STRC: variants seen among roughly 807,000 people sequenced by gnomAD.
STRC encodes the protein stereocilin.
Under a neutral mutation model 103.5 loss-of-function variants are expected in STRC, and 43 were observed. The observed-to-expected ratio is 0.42, with a 90% CI of 0.33 to 0.54. The LOEUF (loss-of-function observed/expected upper bound fraction) is 0.54, where lower values mean the gene tolerates loss of function less well. Among genes scored for constraint, STRC ranks in the 20% least tolerant of loss-of-function variants. STRC has a pLI of 0.14. For missense variants in STRC, 499 were observed against 1,088.5 expected, an observed-to-expected ratio of 0.46 and a Z score of 7.62; for synonymous variants, 186 against 442.3, an observed-to-expected ratio of 0.42 and a Z score of 7.27.
Position 43,603,349 on chromosome 15 carries a change from T to C in STRC, c.4438A>G (p.Ile1480Val). Residue 1480 changes from isoleucine (I) to valine (V), a missense_variant, in exon 23 of 29, where the codon ATT (isoleucine) becomes GTT (valine). Physicochemically the swap from Ile to Val is conservative, Grantham distance 29. Coordinates refer to ENST00000450892, the MANE Select transcript of STRC (RefSeq NM_153700.2). ...TFPAAWSATQ[I>V]AEMELSDFED... ...AAGTCTGAGAGCTCCATCTCTGCAA[T>C]CTGGGTTGCAGACCAGGCTGCTGGG... 1 of 1,613,722 alleles carries C rather than the reference T, an allele frequency of 6.2e-7. No individual in the cohort carries two copies. The highest frequency in any genetic ancestry group is 8.5e-7 in the Non-Finnish European group (1 of 1,179,750).
rs760541399 is a variant in STRC at position 43,601,457 on chromosome 15, A to T, written c.4640T>A (p.Ile1547Asn). The change falls in exon 24 of 29, where the codon ATC (isoleucine) becomes AAC (asparagine). Residue 1547 changes from isoleucine to asparagine, a missense_variant. By Grantham distance (149) the Ile-to-Asn change is moderately radical. Transcript: ENST00000450892. ...GCTCAGCACTCCCCAGTCCACTAGG[A>T]TCAGCTCCTGTAGTTCCCGATCTCC... ...GLGDRELQEL[I>N]LVDWGVLSTL... 1.2e-5 allele frequency: 19 copies of T among 1,613,686 alleles called. 1 individual carries two copies. The South Asian group carries it at 2.0e-4, about 17-fold the overall frequency.
chr15:43,605,244 CT>C lies in STRC; in HGVS notation c.3930+19del. On this transcript the variant is annotated intron_variant, in intron 19 of 28. Transcript: ENST00000450892. ...ATTGCCCAGGGCAGCAAATCTGAGT[CT>C]GGTAGGGTGGACTCTTACCAGGTTT... 6.3e-7 allele frequency: 1 copy of C among 1,577,720 alleles called. No homozygotes were observed. Among genetic ancestry groups the C allele is most frequent in the Non-Finnish European group, 8.6e-7 (1 of 1,160,748 alleles).
intron 18 of STRC, among the ~76,000 whole-genome samples, chr15:43,605,701 G>C (rs1053450273): frequency 1.8e-5 from 2 of 114,032 alleles, no homozygotes; most frequent in African/African-American, 7.0e-5. Flanking sequence ...CCATTTTATA[G>C]ATTAAAAAAC....
In STRC at chr15:43,601,382, A is replaced by C; in HGVS notation, c.4701+14T>G. Reference sequence around the variant, plus strand: ...GGGTGTTTGGGAAGCCGTAGGGAGGAGGAAAAGTGTTACCTGAGTGGTGCT... The same window carrying C: ...GGGTGTTTGGGAAGCCGTAGGGAGGCGGAAAAGTGTTACCTGAGTGGTGCT... On this transcript the variant is annotated intron_variant, in intron 24 of 28. Coordinates refer to ENST00000450892, the MANE Select transcript of STRC (RefSeq NM_153700.2). 6.2e-7 allele frequency: 1 copy of C among 1,612,650 alleles called. No individual in the cohort carries two copies. Among genetic ancestry groups the C allele is most frequent in the East Asian group, 2.2e-5 (1 of 44,838 alleles).
rs1260607472 is a variant in STRC at position 43,600,654 on chromosome 15, G to C, written c.4873C>G (p.His1625Asp). ...SQAALFLGTL[H>D]LQCSEEQLEV... ...AGTTGTTCCTCAGAGCACTGGAGAT[G>C]CAGGGTGCCGAGGAAGAGAGCTGCT... Residue 1625 changes from histidine to aspartate, a missense_variant, in exon 26 of 29, where the codon CAT (histidine) becomes GAT (aspartate). Physicochemically the swap from His to Asp is moderately conservative, Grantham distance 81. Transcript: ENST00000450892. 2 of 1,613,614 alleles carry C rather than the reference G, an allele frequency of 1.2e-6. No individual in the cohort carries two copies. Among genetic ancestry groups the C allele is most frequent in the African/African-American group, 2.7e-5 (2 of 74,802 alleles).
chr15:43,603,306 A>G lies in STRC; in HGVS notation c.4481T>C (p.Leu1494Ser). ...ELSDFEDCLT[L>S]FAGDPGLGPE... ...CCCAAGTCCTGGGTCTCCTGCAAATAATGTCAGGCAGTCCTCAAAGTCTGA... is the reference window on the plus strand; with the variant it reads ...CCCAAGTCCTGGGTCTCCTGCAAATGATGTCAGGCAGTCCTCAAAGTCTGA... Residue 1494 changes from leucine to serine, a missense_variant, in exon 23 of 29, where the codon TTA becomes TCA. Leu to Ser is a moderately radical substitution (Grantham distance 145, BLOSUM62 -2). Coordinates refer to ENST00000450892, the MANE Select transcript of STRC (RefSeq NM_153700.2). 3 of 1,613,830 alleles carry G rather than the reference A, an allele frequency of 1.9e-6. No homozygotes were observed. The highest frequency in any genetic ancestry group is 1.7e-6 in the Non-Finnish European group (2 of 1,179,898).
rs1262411024 is a variant in STRC at position 43,604,142 on chromosome 15, C to T, written c.4229G>A (p.Gly1410Asp). Residue 1410 changes from glycine to aspartate, a missense_variant, in exon 22 of 29, where the codon GGT becomes GAT. Coordinates refer to ENST00000450892, the MANE Select transcript of STRC (RefSeq NM_153700.2). ...AISLIPREAL[G>D]PETLERLLEK... is the part of the protein sequence containing the mutation. ...TAGAAGCCGCTCCAGGGTCTCTGGACCCAAGGCCTCCTGCATGAGAAGGTA... is the reference window on the plus strand; with the variant it reads ...TAGAAGCCGCTCCAGGGTCTCTGGATCCAAGGCCTCCTGCATGAGAAGGTA... 1 of 1,609,370 alleles carries T rather than the reference C, an allele frequency of 6.2e-7. No homozygotes were observed. Among genetic ancestry groups the T allele is most frequent in the Non-Finnish European group, 8.5e-7 (1 of 1,178,090 alleles).
chr15:43,600,697 G>C lies in STRC; in HGVS notation c.4845-15C>G. 6.2e-7 allele frequency: 1 copy of C among 1,612,802 alleles called. No homozygotes were observed. Among genetic ancestry groups the C allele is most frequent in the East Asian group, 2.2e-5 (1 of 44,852 alleles). On this transcript the variant is annotated splice_polypyrimidine_tract_variant and intron_variant, in intron 25 of 28. Coordinates refer to ENST00000450892, the MANE Select transcript of STRC (RefSeq NM_153700.2). ...GAGCTGCTTGGCTGTAGAACAGTAGGAAGGAAGGAAGAAGAATTCGGCTTC... is the reference window on the plus strand; with the variant it reads ...GAGCTGCTTGGCTGTAGAACAGTAGCAAGGAAGGAAGAAGAATTCGGCTTC...
In STRC at chr15:43,600,042, C is replaced by T. The variant is rs2085652857; in HGVS notation, c.5157G>A (p.Glu1719=). The change falls in exon 28 of 29, where the codon GAG becomes GAA. Residue 1719 remains glutamate (E), a synonymous_variant. Transcript: ENST00000450892. ...TSAQAVAVTP[E]QMAFLSPEQR... ...GCTCAGGACTCAGAAAGGCCATTTGCTCAGGAGTGACAGCCACAGCCTGAG... is the reference window on the plus strand; with the variant it reads ...GCTCAGGACTCAGAAAGGCCATTTGTTCAGGAGTGACAGCCACAGCCTGAG... 6.2e-7 allele frequency: 1 copy of T among 1,612,292 alleles called. No individual in the cohort carries two copies. The highest frequency in any genetic ancestry group is 2.2e-5 in the East Asian group (1 of 44,790).
At position 43,617,680 on chromosome 15, in the gene STRC, GA is replaced by G. The variant is rs1473496473; in HGVS notation, c.740del (p.Leu247ProfsTer76). On this transcript the variant is annotated frameshift_variant, in exon 2 of 29. Coordinates refer to ENST00000450892, the MANE Select transcript of STRC (RefSeq NM_153700.2). LOFTEE classifies it high-confidence loss of function. ...GCAGCCCCTCCTGAAAGGCAGCATA[GA>G]GGGGGGCCCCCACTGTGCGTAGCAG... ...GGLLRTVGAP[L>X]YAAFQEGLLR... 1.3e-6 allele frequency: 1 copy of G among 776,408 alleles called. No homozygotes were observed. The highest frequency in any genetic ancestry group is 2.0e-6 in the Non-Finnish European group (1 of 492,818). 48.1% of individuals were successfully genotyped at this position (776,408 alleles called of 1,614,324 possible).
intron 18 of STRC, among the ~76,000 whole-genome samples, chr15:43,606,299 CATTAAAAAAA>C (rs1315908519): frequency 1.4e-4 from 13 of 90,292 alleles, no homozygotes; most frequent in African/African-American, 4.9e-4. Context: ...ATCTGAATGG[CATTAAAAAAA>C]AGTAAAAACA....
At chr15:43,604,553 G>A in intron 20 of STRC, 97 bp downstream of exon 20, 3 of 1,612,110 alleles carry the variant, frequency 1.9e-6, no homozygotes, top group South Asian at 1.1e-5. Context: ...AGGGCTCCAG[G>A]GGACCTTAAG....
intron 18 of STRC, among the ~76,000 whole-genome samples, chr15:43,607,006 A>G (rs1181952426): frequency 6.7e-6 from 1 of 150,072 alleles, no homozygotes; most frequent in African/African-American, 2.5e-5. Flanking sequence ...TCTCAAAAAA[A>G]AAAAAAAAGA....
rs201899170 is a variant in STRC, at chr15:43,600,008, C to T, written c.5191G>A (p.Ala1731Thr). 2.1e-5 allele frequency: 34 copies of T among 1,602,480 alleles called. No individual in the cohort carries two copies. In the South Asian group the frequency reaches 2.2e-4, roughly 11 times the overall value. Residue 1731 changes from alanine to threonine, a missense_variant, in exon 28 of 29, where the codon GCA becomes ACA. Transcript: ENST00000450892. ...CCCTCATGTTGGGCCCATGCAACTG[C>T]TCGTCGCTGCTCAGGACTCAGAAAG... ...MAFLSPEQRR[A>T]VAWAQHEGKE...
Position 43,610,040 on chromosome 15 carries a change from A to T in STRC, c.3498+272T>A, listed in dbSNP as rs1273787782. The T allele has an allele frequency of 3.0e-5, 10 of 331,198 alleles. 1 individual carries two copies. The highest frequency in any genetic ancestry group is 1.8e-4 in the South Asian group (7 of 39,286). The allele number at this position is 331,198 out of a possible 1,614,324, so 20.5% of individuals were successfully genotyped here. A position where few individuals can be genotyped will look rare whatever the true frequency, so the allele number is the denominator to read the frequency against. ...CTTCATCTCAAAAAACAAAAAAAAA[A>T]TTTAAAAATTAGCCAGGCATGGTGG... is the stretch of plus-strand genomic sequence containing the variant. On this transcript the variant is annotated intron_variant, in intron 15 of 28. Coordinates refer to ENST00000450892, the MANE Select transcript of STRC (RefSeq NM_153700.2).
chr15:43,617,471 GT>G lies in STRC; in HGVS notation c.861del (p.Gln287HisfsTer36), dbSNP rs1223712701. On this transcript the variant is annotated frameshift_variant, in exon 3 of 29. Transcript: ENST00000450892. LOFTEE classifies it high-confidence loss of function. Reference protein sequence around the residue: ...TNGQCQGGNLQQLLLWGVRHN... With the variant: ...TNGQCQGGNLXQLLLWGVRHN... The stretch of plus-strand genomic sequence containing the variant: ...CCTGTTACTTACCATAAGAGCAGCT[GT>G]TGAAGGTTACCTAGGAGGGAAAGAG... The G allele has an allele frequency of 8.3e-5, 31 of 375,626 alleles. No homozygotes were observed. Among genetic ancestry groups the G allele is most frequent in the South Asian group, 6.3e-4 (27 of 42,732 alleles). 23.3% of individuals were successfully genotyped at this position (375,626 alleles called of 1,614,324 possible).
chr15:43,601,219 G>C (rs569481953), intron 24 of STRC, among the ~76,000 whole-genome samples, 177 bp downstream of exon 24: 1 of 151,934 alleles, frequency 6.6e-6, no homozygotes, highest in South Asian at 2.1e-4. Context: ...TGTGTCCAGG[G>C]CCTCAGAGTG....
At chr15:43,602,958 A>AT (rs1282963886) in intron 23 of STRC, among the ~76,000 whole-genome samples, 1 of 151,390 alleles carries the variant, frequency 6.6e-6, no homozygotes, top group Non-Finnish European at 1.5e-5. Context: ...GCATGCCATT[A>AT]TTTTTTTAAG....
chr15:43,605,442 G>A (rs2085705441), intron 18 of STRC, 43 bp from the exon 19 acceptor site: 1 of 1,571,532 alleles, frequency 6.4e-7, no homozygotes, highest in Non-Finnish European at 8.7e-7. Context: ...GGTGGAGCTG[G>A]GCCAAGTCGA....
Sources: gnomAD v4.1 joint callset for allele counts (sites outside exome capture counted in the v4.1 genomes callset) on GRCh38, gnomAD v4.1.1 for gene constraint, MANE v1.5 for transcripts, NCBI Gene and HGNC (gene_info 2026-07-23, HGNC 2026-07-21) for gene names.